SBF2: variants seen among roughly 807,000 people sequenced by gnomAD.
SBF2 encodes the protein SET binding factor 2.
SBF2 carries 112 observed loss-of-function variants against 225.2 expected under a neutral mutation model. The observed-to-expected ratio is 0.50, with a 90% CI of 0.43 to 0.58. The LOEUF (loss-of-function observed/expected upper bound fraction) is 0.58, where lower values mean the gene tolerates loss of function less well. Among genes scored for constraint, SBF2 ranks in the 20% least tolerant of loss-of-function variants. The pLI is 0.00. For synonymous variants in SBF2, 763 were observed against 773.3 expected (o/e 0.99, Z 0.22); for missense variants, 1,996 against 2,206.2 (o/e 0.90, Z 1.91).
intron 2 of SBF2, among the ~76,000 whole-genome samples, chr11:10,133,925 ACTC>A (rs1442727804): frequency 4.6e-5 from 7 of 152,178 alleles, no homozygotes; most frequent in Admixed American, 4.6e-4. Flanking sequence ...CTGACACAGA[ACTC>A]CTAAAACCAC....
intron 6 of SBF2, among the ~76,000 whole-genome samples, chr11:10,025,861 A>G (rs1240322319): frequency 6.6e-6 from 1 of 152,120 alleles, no homozygotes; most frequent in Non-Finnish European, 1.5e-5. Context: ...TTGGCCTCCT[A>G]AAGTGCTGGG....
At chr11:10,155,113 T>C (rs907272613) in intron 2 of SBF2, among the ~76,000 whole-genome samples, 4 of 152,182 alleles carry the variant, frequency 2.6e-5, no homozygotes, top group Admixed American at 2.6e-4. Flanking sequence ...ATAAACCATT[T>C]GCAATGAGCT....
At chr11:10,024,823 T>C (rs1029544758) in intron 6 of SBF2, among the ~76,000 whole-genome samples, 2 of 152,192 alleles carry the variant, frequency 1.3e-5, no homozygotes, top group Non-Finnish European at 2.9e-5. Context: ...TGAGGTACTG[T>C]AATTTCTTGA....
intron 6 of SBF2, among the ~76,000 whole-genome samples, chr11:10,023,073 T>C (rs1948921220): frequency 6.6e-6 from 1 of 152,210 alleles, no homozygotes; most frequent in Non-Finnish European, 1.5e-5. Flanking sequence ...ATTTCCATCA[T>C]TTCTTTCATC....
chr11:9,833,040 G>T (rs1294289202), intron 26 of SBF2, among the ~76,000 whole-genome samples: 2 of 152,172 alleles, frequency 1.3e-5, no homozygotes, highest in Non-Finnish European at 2.9e-5. Context: ...AGAATGACAA[G>T]TCAAATTGTA....
chr11:10,001,929 G>T (rs879525573), intron 7 of SBF2, among the ~76,000 whole-genome samples: 1 of 151,980 alleles, frequency 6.6e-6, no homozygotes, highest in Non-Finnish European at 1.5e-5. Flanking sequence ...CAGTATATTA[G>T]AGGTATAATA....
At chr11:9,919,417 G>A (rs1056089379) in intron 16 of SBF2, among the ~76,000 whole-genome samples, 1 of 151,996 alleles carries the variant, frequency 6.6e-6, no homozygotes, top group Non-Finnish European at 1.5e-5. Context: ...TGGGGGCATC[G>A]GCAAGACTCC....
intron 2 of SBF2, among the ~76,000 whole-genome samples, chr11:10,110,391 T>A (rs1383431212): frequency 6.6e-6 from 1 of 152,284 alleles, no homozygotes; most frequent in Admixed American, 6.5e-5. Flanking sequence ...CTAATTAAAA[T>A]AGAAAATTTT....
At chr11:10,083,875 G>C (rs1163112339) in intron 2 of SBF2, among the ~76,000 whole-genome samples, 1 of 152,068 alleles carries the variant, frequency 6.6e-6, no homozygotes, top group Non-Finnish European at 1.5e-5. Context: ...AAAATGGATG[G>C]CCATGGTGGC....
At position 9,780,279 on chromosome 11, in the gene SBF2, C is replaced by T. The variant is rs968491591; in HGVS notation, c.*139G>A. On this transcript the variant is annotated 3_prime_UTR_variant, in exon 40 of 40. Transcript: ENST00000256190. ...TTCAGGTTAAGTAGATATAGCAACC[C>T]CTGCAAGAGGGGACTGGGCAGGAGA... 2 of 745,260 alleles carry T rather than the reference C, an allele frequency of 2.7e-6. No homozygotes were observed. The highest frequency in any genetic ancestry group is 4.7e-6 in the Non-Finnish European group (2 of 426,896). 46.2% of individuals were successfully genotyped at this position (745,260 alleles called of 1,614,324 possible).
intron 6 of SBF2, among the ~76,000 whole-genome samples, chr11:10,027,636 A>G (rs975797340): frequency 2.0e-5 from 3 of 152,190 alleles, no homozygotes; most frequent in Non-Finnish European, 2.9e-5. Flanking sequence ...TATATAAAGG[A>G]CAAGTCAGAG....
intron 30 of SBF2, among the ~76,000 whole-genome samples, chr11:9,811,830 T>TG (rs1468407796): frequency 6.6e-6 from 1 of 151,330 alleles, no homozygotes; most frequent in African/African-American, 2.4e-5. Context: ...TAACAAATAA[T>TG]GGGGGCCAGG....
chr11:10,115,607 T>C (rs557499243), intron 2 of SBF2, among the ~76,000 whole-genome samples: 34 of 152,336 alleles, frequency 2.2e-4, no homozygotes, highest in African/African-American at 7.7e-4. Flanking sequence ...AAATTCTAGA[T>C]ACTAAATCCT....
chr11:9,836,675 TC>T (rs1486881257), intron 26 of SBF2, among the ~76,000 whole-genome samples: 3 of 152,194 alleles, frequency 2.0e-5, no homozygotes, highest in African/African-American at 7.2e-5. Flanking sequence ...TTCAGGAAAT[TC>T]AGTTTTAGAA....
In SBF2 at chr11:9,839,601, A is replaced by G; in HGVS notation, c.3352T>C (p.Tyr1118His). The change falls in exon 26 of 40, where the codon TAT becomes CAT. Residue 1118 changes from tyrosine to histidine, a missense_variant. By Grantham distance (83) the Tyr-to-His change is moderately conservative. Transcript: ENST00000256190. ...ATGGTTCCTAAACCTAAACGCTGAT[A>G]GTCTCTGAAACAAGCTTTTTCCACC... ...QLVEKACFRD[Y>H]QRLGLGTISG... 2 of 1,614,178 alleles carry G rather than the reference A, an allele frequency of 1.2e-6. No homozygotes were observed. The highest frequency in any genetic ancestry group is 1.7e-6 in the Non-Finnish European group (2 of 1,180,010).
At chr11:10,120,618 G>T (rs895725263) in intron 2 of SBF2, among the ~76,000 whole-genome samples, 2 of 151,898 alleles carry the variant, frequency 1.3e-5, no homozygotes, top group African/African-American at 4.8e-5. Context: ...TTTTCTGTTT[G>T]TTTTTTCTTC....
intron 1 of SBF2, among the ~76,000 whole-genome samples, chr11:10,299,819 C>G (rs1231330094): frequency 2.6e-5 from 4 of 152,190 alleles, no homozygotes. Flanking sequence ...AATCTATCTA[C>G]CACATTCCAT....
intron 16 of SBF2, among the ~76,000 whole-genome samples, chr11:9,908,754 G>A (rs1347965096): frequency 6.6e-6 from 1 of 152,098 alleles, no homozygotes; most frequent in Non-Finnish European, 1.5e-5. Context: ...CTGAAGTGCG[G>A]TGGTGTGATT....
At chr11:10,159,651 C>T (rs529732208) in intron 2 of SBF2, among the ~76,000 whole-genome samples, 2 of 152,282 alleles carry the variant, frequency 1.3e-5, no homozygotes, top group South Asian at 4.1e-4. Flanking sequence ...GCTTGTAACC[C>T]TAGCACTTTG....
Sources: gnomAD v4.1 joint callset for allele counts (sites outside exome capture counted in the v4.1 genomes callset) on GRCh38, gnomAD v4.1.1 for gene constraint, MANE v1.5 for transcripts, NCBI Gene and HGNC (gene_info 2026-07-23, HGNC 2026-07-21) for gene names.